The following CCDC91 variants were observed in gnomAD, a reference collection of about 807,000 sequenced individuals.
The protein encoded by CCDC91 is coiled-coil domain containing 91.
In CCDC91, 48 loss-of-function variants were observed where a neutral mutation model predicts 63.2. The ratio of observed to expected loss-of-function variants is 0.76; its 90% CI spans 0.60 to 0.97. The LOEUF (loss-of-function observed/expected upper bound fraction) is 0.97, where lower values mean the gene tolerates loss of function less well. Among genes scored for constraint, CCDC91 ranks in the 50% least tolerant of loss-of-function variants. The pLI is 0.00. For synonymous variants in CCDC91, 167 were observed against 165.8 expected, an observed-to-expected ratio of 1.01 and a Z score of -0.06; for missense variants, 500 against 494.6, an observed-to-expected ratio of 1.01 and a Z score of -0.10.
At position 28,385,430 on chromosome 12, in the gene CCDC91, AT is replaced by A. The variant is rs142818537; in HGVS notation, c.655-5872del. Among the ~76,000 whole-genome samples the A allele has an allele frequency of 9.2e-3, 1,400 of 152,260 alleles. 28 individuals are homozygous for A. The highest frequency in any genetic ancestry group is 0.032 in the African/African-American group (1,331 of 41,546). On this transcript the variant is annotated intron_variant, in intron 7 of 12. Transcript: ENST00000536442. ...AGGCACTGTTGTAGGTGCATTGGGT[AT>A]TATCAGTGAGGTAAACACAGATTCC...
chr12:28,255,660 A>C (rs1274835154), intron 1 of CCDC91: 2 of 152,162 alleles, frequency 1.3e-5, no homozygotes, highest in East Asian at 3.8e-4. Flanking sequence ...GATTGCTAAA[A>C]TTGTGAGTAA....
chr12:28,307,910 A>G (rs1938915247), intron 6 of CCDC91, among the ~76,000 whole-genome samples, 161 bp downstream of exon 6: 1 of 152,014 alleles, frequency 6.6e-6, no homozygotes, highest in Non-Finnish European at 1.5e-5. Context: ...GAAGACACCC[A>G]TTTTGAAAAA....
intron 8 of CCDC91, among the ~76,000 whole-genome samples, chr12:28,435,039 G>A (rs1272944991): frequency 6.6e-6 from 1 of 151,450 alleles, no homozygotes; most frequent in Non-Finnish European, 1.5e-5. Flanking sequence ...GGTTAGCCTG[G>A]CTAGAGACTT....
chr12:28,485,415 C>T (rs1057102602), intron 12 of CCDC91, among the ~76,000 whole-genome samples: 13 of 151,942 alleles, frequency 8.6e-5, no homozygotes, highest in African/African-American at 3.1e-4. Context: ...ATCCACCCAC[C>T]TCAGCCTCCC....
chr12:28,456,280 G>C (rs1257396304), intron 11 of CCDC91, among the ~76,000 whole-genome samples: 1 of 152,130 alleles, frequency 6.6e-6, no homozygotes, highest in African/African-American at 2.4e-5. Context: ...TTGGAAAAGA[G>C]CTATGATAAG....
At chr12:28,320,804 T>TA (rs1322703670) in intron 6 of CCDC91, among the ~76,000 whole-genome samples, 2 of 151,942 alleles carry the variant, frequency 1.3e-5, no homozygotes, top group African/African-American at 4.8e-5. Flanking sequence ...GGTAAGGGTT[T>TA]AGGTGGCTCC....
At chr12:28,279,018 T>A (rs1428406246) in intron 3 of CCDC91, among the ~76,000 whole-genome samples, 9 of 152,076 alleles carry the variant, frequency 5.9e-5, no homozygotes, top group African/African-American at 1.9e-4. Flanking sequence ...TAATATATAC[T>A]ATTAAAGATT....
At chr12:28,373,045 G>C (rs1302907875) in intron 7 of CCDC91, among the ~76,000 whole-genome samples, 1 of 152,006 alleles carries the variant, frequency 6.6e-6, no homozygotes, top group Non-Finnish European at 1.5e-5. Flanking sequence ...TTTATTATAA[G>C]TTGTATCTCC....
chr12:28,290,563 T>C (rs1301607889), intron 3 of CCDC91, among the ~76,000 whole-genome samples: 1 of 152,226 alleles, frequency 6.6e-6, no homozygotes, highest in Non-Finnish European at 1.5e-5. Flanking sequence ...TAGCTGTTTA[T>C]TATGCAGACT....
intron 12 of CCDC91, among the ~76,000 whole-genome samples, chr12:28,509,174 G>T (rs897583975): frequency 6.6e-6 from 1 of 151,914 alleles, no homozygotes; most frequent in Non-Finnish European, 1.5e-5. Flanking sequence ...TCCTGTGAGA[G>T]AATGTTCCCA....
intron 12 of CCDC91, among the ~76,000 whole-genome samples, chr12:28,490,145 A>G (rs1951922858): frequency 6.6e-6 from 1 of 151,812 alleles, no homozygotes. Context: ...GACATTTCCC[A>G]TCTTCCTGCC....
chr12:28,402,857 G>A (rs1403021113), intron 8 of CCDC91, among the ~76,000 whole-genome samples: 3 of 152,058 alleles, frequency 2.0e-5, no homozygotes, highest in East Asian at 1.9e-4. Context: ...AATCATGAAC[G>A]TGTGTTGGAT....
At chr12:28,267,272 A>G (rs1371658446) in intron 3 of CCDC91, among the ~76,000 whole-genome samples, 1 of 151,854 alleles carries the variant, frequency 6.6e-6, no homozygotes, top group Non-Finnish European at 1.5e-5. Flanking sequence ...TGTATTATAT[A>G]TACATAGTAA....
chr12:28,356,742 G>A (rs1406130716), intron 6 of CCDC91, among the ~76,000 whole-genome samples: 2 of 152,112 alleles, frequency 1.3e-5, no homozygotes, highest in Non-Finnish European at 2.9e-5. Context: ...TGCTAATTAT[G>A]TTCTATATTG....
chr12:28,524,599 G>T (rs1012335993), intron 12 of CCDC91, among the ~76,000 whole-genome samples: 1 of 152,056 alleles, frequency 6.6e-6, no homozygotes, highest in Non-Finnish European at 1.5e-5. Flanking sequence ...AGATATTAGG[G>T]TGATACTGGC....
intron 1 of CCDC91, among the ~76,000 whole-genome samples, chr12:28,244,425 G>A (rs1945565420): frequency 6.9e-6 from 1 of 145,698 alleles, no homozygotes; most frequent in Non-Finnish European, 1.5e-5. Context: ...AAATTTAATG[G>A]CACAAAACAG....
chr12:28,327,106 C>T (rs1443437241), intron 6 of CCDC91, among the ~76,000 whole-genome samples: 3 of 151,984 alleles, frequency 2.0e-5, no homozygotes, highest in African/African-American at 7.2e-5. Flanking sequence ...AGGGTTTCTT[C>T]CAATACTTGT....
chr12:28,427,600 A>G (rs1055240705), intron 8 of CCDC91, among the ~76,000 whole-genome samples: 2 of 152,182 alleles, frequency 1.3e-5, no homozygotes, highest in Non-Finnish European at 2.9e-5. Context: ...AATAATTGAA[A>G]TATTTTTACC....
chr12:28,365,189 G>A lies in CCDC91; in HGVS notation c.654+2674G>A, dbSNP rs569184696. ...ATTTTACATTTCTCTTTAACTGAGT[G>A]CTAAGTAATGGCGCTGGACAAATAT... On this transcript the variant is annotated intron_variant, in intron 7 of 12. Transcript: ENST00000536442. 1.2e-3 allele frequency among the ~76,000 whole-genome samples: 190 copies of A among 152,256 alleles called. 1 individual carries two copies. Among genetic ancestry groups the A allele is most frequent in the Non-Finnish European group, 2.0e-3 (135 of 67,988 alleles).
Sources: gnomAD v4.1 joint callset for allele counts (sites outside exome capture counted in the v4.1 genomes callset) on GRCh38, gnomAD v4.1.1 for gene constraint, MANE v1.5 for transcripts, NCBI Gene and HGNC (gene_info 2026-07-23, HGNC 2026-07-21) for gene names.